KLF12: variants seen among roughly 807,000 people sequenced by gnomAD.
KLF12 encodes Krueppel-like factor 12.
A neutral mutation model predicts 37.8 loss-of-function variants in KLF12; 9 were observed. That is an observed-to-expected ratio of 0.24 (90% CI 0.14 to 0.42). KLF12 has a LOEUF of 0.42. Ranked by LOEUF, KLF12 falls within the 10% of genes least tolerant of loss-of-function variation. KLF12 has a pLI of 1.00. For synonymous variants in KLF12, 208 were observed against 202.1 expected, an observed-to-expected ratio of 1.03 and a Z score of -0.25; for missense variants, 411 against 516.0, an observed-to-expected ratio of 0.80 and a Z score of 1.97.
intron 1 of KLF12, among the ~76,000 whole-genome samples, chr13:74,041,732 A>ACACACACACC (rs1491104377): frequency 1.4e-5 from 2 of 139,514 alleles, no homozygotes; most frequent in East Asian, 2.1e-4. Flanking sequence ...ACACACACAC[A>ACACACACACC]CCCCTTCAAA....
At chr13:74,275,806 CCTTCTTTCT>C in the KLF12 span, among the ~76,000 whole-genome samples, 410 of 79,426 alleles carry the variant, frequency 5.2e-3, 1 homozygote, top group South Asian at 0.012. Context: ...TTCTTTCTTT[CCTTCTTTCT>C]TTCTTTCTTT....
At chr13:74,157,745 T>C in the KLF12 span, among the ~76,000 whole-genome samples, 6 of 152,292 alleles carry the variant, frequency 3.9e-5, no homozygotes, top group African/African-American at 1.2e-4. Context: ...GATTGGCCAA[T>C]TTTTTGGGTC....
At chr13:73,795,724 C>T (rs79329170) in intron 5 of KLF12, among the ~76,000 whole-genome samples, 28,361 of 152,068 alleles carry the variant, frequency 0.19, 3,465 homozygotes, top group East Asian at 0.45. Flanking sequence ...GGTTAGAGAG[C>T]TATAAAATAT....
chr13:74,282,279 A>G, the KLF12 span, among the ~76,000 whole-genome samples: 1 of 152,218 alleles, frequency 6.6e-6, no homozygotes, highest in East Asian at 1.9e-4. Context: ...TTAGCAGAAA[A>G]TTCAGTCTGA....
intron 3 of KLF12, among the ~76,000 whole-genome samples, chr13:73,940,440 G>A (rs192402358): frequency 1.3e-5 from 2 of 152,178 alleles, no homozygotes; most frequent in African/African-American, 4.8e-5. Context: ...CCAAACAGAA[G>A]GCACACAGAG....
intron 5 of KLF12, among the ~76,000 whole-genome samples, chr13:73,772,546 T>C (rs1320576761): frequency 7.9e-5 from 12 of 152,088 alleles, no homozygotes; most frequent in Admixed American, 7.2e-4. Flanking sequence ...TCTGGAGATA[T>C]GAAAAAGCAC....
At chr13:73,867,234 T>C (rs1886219674) in intron 3 of KLF12, among the ~76,000 whole-genome samples, 1 of 151,398 alleles carries the variant, frequency 6.6e-6, no homozygotes, top group South Asian at 2.1e-4. Context: ...TGAAAGTAAA[T>C]GAATGAAAAA....
At chr13:74,016,004 TA>T (rs1276386569) in intron 1 of KLF12, among the ~76,000 whole-genome samples, 5 of 152,074 alleles carry the variant, frequency 3.3e-5, no homozygotes, top group Non-Finnish European at 5.9e-5. Flanking sequence ...CATTGGTTTT[TA>T]AAAAAAGAGC....
chr13:74,204,914 G>C, the KLF12 span, among the ~76,000 whole-genome samples: 1 of 152,136 alleles, frequency 6.6e-6, no homozygotes, highest in African/African-American at 2.4e-5. Context: ...CAGATCTCAA[G>C]ACTTTTGAGT....
intron 1 of KLF12, among the ~76,000 whole-genome samples, chr13:74,100,663 T>C (rs1876284539): frequency 6.6e-6 from 1 of 151,552 alleles, no homozygotes; most frequent in African/African-American, 2.4e-5. Flanking sequence ...ACACCTCAAA[T>C]ATATGTATAT....
intron 1 of KLF12, among the ~76,000 whole-genome samples, chr13:74,059,743 T>C (rs1031022857): frequency 3.3e-5 from 5 of 152,218 alleles, no homozygotes; most frequent in Non-Finnish European, 5.9e-5. Flanking sequence ...GTTTATTTTG[T>C]TGATTATTTC....
intron 6 of KLF12, among the ~76,000 whole-genome samples, chr13:73,749,622 C>T (rs1265043762): frequency 6.6e-6 from 1 of 152,100 alleles, no homozygotes; most frequent in Admixed American, 6.5e-5. Context: ...CTAGGCAGAG[C>T]AAGCAAAGAG....
chr13:74,084,427 T>C (rs565734079), intron 1 of KLF12, among the ~76,000 whole-genome samples: 1 of 152,296 alleles, frequency 6.6e-6, no homozygotes, highest in East Asian at 1.9e-4. Context: ...CACCAGGGTT[T>C]TTATAAAGTC....
chr13:74,195,403 C>T, the KLF12 span, among the ~76,000 whole-genome samples: 5 of 152,210 alleles, frequency 3.3e-5, no homozygotes, highest in East Asian at 9.7e-4. Context: ...ACACCTACTG[C>T]TATGAATCCT....
the KLF12 span, among the ~76,000 whole-genome samples, chr13:74,301,075 A>G: frequency 1.3e-5 from 2 of 152,188 alleles, no homozygotes; most frequent in Non-Finnish European, 2.9e-5. Flanking sequence ...TTCTTAAGCC[A>G]TGTTCTAAAA....
At chr13:74,126,100 T>C (rs1054381715) in intron 1 of KLF12, among the ~76,000 whole-genome samples, 8 of 152,222 alleles carry the variant, frequency 5.3e-5, no homozygotes, top group African/African-American at 1.7e-4. Context: ...ATAGCACATA[T>C]GTGCTGTATT....
chr13:74,125,265 A>G (rs989167116), intron 1 of KLF12, among the ~76,000 whole-genome samples: 1 of 152,150 alleles, frequency 6.6e-6, no homozygotes, highest in Non-Finnish European at 1.5e-5. Flanking sequence ...TCTTTTCCAT[A>G]TATCTACTAA....
At chr13:74,260,574 T>TAAAATAAAATAAAATA in the KLF12 span, among the ~76,000 whole-genome samples, 3 of 100,318 alleles carry the variant, frequency 3.0e-5, no homozygotes, top group African/African-American at 1.7e-4. Context: ...TAAAATAAAA[T>TAAAATAAAATAAAATA]AAATAAAATA....
At chr13:73,869,229 C>T (rs142043764) in intron 3 of KLF12, among the ~76,000 whole-genome samples, 24 of 152,212 alleles carry the variant, frequency 1.6e-4, no homozygotes, top group African/African-American at 5.5e-4. Flanking sequence ...AAGAATAAAG[C>T]TATTATATAG....
Sources: gnomAD v4.1 joint callset for allele counts (sites outside exome capture counted in the v4.1 genomes callset) on GRCh38, gnomAD v4.1.1 for gene constraint, MANE v1.5 for transcripts, NCBI Gene and HGNC (gene_info 2026-07-23, HGNC 2026-07-21) for gene names.